ARMC9: variants seen among roughly 807,000 people sequenced by gnomAD.
ARMC9 encodes the protein lisH domain-containing protein ARMC9.
Under a neutral mutation model 107.0 loss-of-function variants are expected in ARMC9, and 94 were observed. That is an observed-to-expected ratio of 0.88 (90% CI 0.74 to 1.04). The LOEUF is 1.04. ARMC9 is among the 50% of genes least tolerant of loss of function. The probability of loss-of-function intolerance (pLI) is 0.00; values close to 1 mark genes in which losing one functional copy is unlikely to be tolerated. For synonymous variants in ARMC9, 380 were observed against 396.9 expected (o/e 0.96, Z 0.51); for missense variants, 942 against 1,030.1 (o/e 0.91, Z 1.17).
At chr2:231,253,827 C>T (rs1351307384) in intron 9 of ARMC9, among the ~76,000 whole-genome samples, 1 of 152,140 alleles carries the variant, frequency 6.6e-6, no homozygotes, top group Admixed American at 6.5e-5. Flanking sequence ...TCATGGGTCA[C>T]GGAGTCAGAT....
intron 8 of ARMC9, among the ~76,000 whole-genome samples, chr2:231,238,291 T>C (rs1366244646): frequency 6.6e-6 from 1 of 151,990 alleles, no homozygotes; most frequent in East Asian, 1.9e-4. Context: ...ATGTTTCTAG[T>C]TGTAGGGAAG....
At chr2:231,206,696 C>T (rs1287815340) in intron 2 of ARMC9, among the ~76,000 whole-genome samples, 1 of 152,202 alleles carries the variant, frequency 6.6e-6, no homozygotes, top group Non-Finnish European at 1.5e-5. Context: ...GAACATCTGC[C>T]TATGATCGGC....
At chr2:231,314,217 T>G (rs1373507309) in intron 19 of ARMC9, among the ~76,000 whole-genome samples, 1 of 151,962 alleles carries the variant, frequency 6.6e-6, no homozygotes, top group Non-Finnish European at 1.5e-5. Context: ...GTAGCTGGGA[T>G]TACAGGCATG....
intron 5 of ARMC9, among the ~76,000 whole-genome samples, chr2:231,221,206 G>T (rs1290214248): frequency 6.6e-6 from 1 of 152,192 alleles, no homozygotes; most frequent in Non-Finnish European, 1.5e-5. Flanking sequence ...CGGGTGTTCT[G>T]TGACTGTGGC....
chr2:231,361,126 A>T (rs1241981355), intron 23 of ARMC9, among the ~76,000 whole-genome samples: 2 of 152,240 alleles, frequency 1.3e-5, no homozygotes, highest in African/African-American at 4.8e-5. Flanking sequence ...ACTCAGAAGC[A>T]TGCCCATGGG....
At chr2:231,272,366 C>T (rs1341679783) in intron 13 of ARMC9, among the ~76,000 whole-genome samples, 2 of 151,876 alleles carry the variant, frequency 1.3e-5, no homozygotes, top group African/African-American at 4.8e-5. Flanking sequence ...GCTAATGTTC[C>T]TTAGTTTTTA....
At chr2:231,285,180 A>C (rs1266742877) in intron 17 of ARMC9, among the ~76,000 whole-genome samples, 1 of 152,096 alleles carries the variant, frequency 6.6e-6, no homozygotes, top group African/African-American at 2.4e-5. Flanking sequence ...CCTGGGTAAC[A>C]GAGCAAGACT....
chr2:231,230,075 C>T (rs908314718), intron 7 of ARMC9, among the ~76,000 whole-genome samples: 6 of 152,026 alleles, frequency 3.9e-5, no homozygotes, highest in African/African-American at 1.4e-4. Flanking sequence ...AAGTTGAGGT[C>T]TTGTCACTAG....
Position 231,262,324 on chromosome 2 carries a change from C to G in ARMC9, c.1045C>G (p.Pro349Ala), listed in dbSNP as rs2038443882. 1 of 1,614,092 alleles carries G rather than the reference C, an allele frequency of 6.2e-7. No homozygotes were observed. The highest frequency in any genetic ancestry group is 2.2e-5 in the East Asian group (1 of 44,890). The change falls in exon 12 of 25, where the codon CCT (proline) becomes GCT (alanine). Residue 349 changes from proline to alanine, a missense_variant. Physicochemically the swap from Pro to Ala is conservative, Grantham distance 27. Coordinates refer to ENST00000611582, the MANE Select transcript of ARMC9 (RefSeq NM_001352754.2). ...ALRWRLTTSH[P>A]GEQRETVLQA... The stretch of plus-strand genomic sequence containing the variant: ...GCTCCAGCGCTTGACCACATCCCAT[C>G]CTGGAGAGCAGAGGGAGACCGTTCT...
At chr2:231,332,004 T>A in intron 20 of ARMC9, 107 bp downstream of exon 20, 1 of 936,356 alleles carries the variant, frequency 1.1e-6, no homozygotes, top group Non-Finnish European at 1.6e-6. Context: ...TTTGTTACCA[T>A]ACTGTATTTA....
intron 20 of ARMC9, among the ~76,000 whole-genome samples, chr2:231,338,811 G>A (rs1473015844): frequency 6.6e-6 from 1 of 151,700 alleles, no homozygotes. Flanking sequence ...GATTGCTTCT[G>A]TATATGGCAA....
rs533533241 is a variant in ARMC9 at position 231,323,135 on chromosome 2, G to A, written c.1774-8658G>A. Among the ~76,000 whole-genome samples the A allele has an allele frequency of 2.0e-5, 3 of 152,168 alleles. No individual in the cohort carries two copies. In the South Asian group the frequency reaches 6.2e-4, roughly 32 times the overall value. On this transcript the variant is annotated intron_variant, in intron 19 of 24. Transcript: ENST00000611582. ...GGCCAGGAGTTAGAGGCTATAGTGA[G>A]CTGTGATCATACCACTGCACTCCAA...
chr2:231,275,681 C>T (rs554316061), intron 14 of ARMC9, among the ~76,000 whole-genome samples: 19 of 152,264 alleles, frequency 1.2e-4, no homozygotes, highest in African/African-American at 1.7e-4. Flanking sequence ...CAGCTGGGCA[C>T]GGTGGCTCAC....
At chr2:231,204,145 G>A (rs1209288964) in intron 1 of ARMC9, among the ~76,000 whole-genome samples, 1 of 142,066 alleles carries the variant, frequency 7.0e-6, no homozygotes, top group African/African-American at 2.7e-5. Flanking sequence ...CTGCACTCTA[G>A]CCTGGGCAAC....
chr2:231,270,662 C>T (rs1242644418), intron 12 of ARMC9: 2 of 524,238 alleles, frequency 3.8e-6, no homozygotes, highest in Admixed American at 2.3e-5. Flanking sequence ...AGTCATGTGT[C>T]TTGGATCTGC....
At chr2:231,263,094 G>C (rs1209391591) in intron 12 of ARMC9, among the ~76,000 whole-genome samples, 1 of 152,194 alleles carries the variant, frequency 6.6e-6, no homozygotes, top group Non-Finnish European at 1.5e-5. Context: ...CACTGGACAG[G>C]AGGAGGATCA....
At chr2:231,337,391 A>G (rs1317212331) in intron 20 of ARMC9, among the ~76,000 whole-genome samples, 1 of 129,680 alleles carries the variant, frequency 7.7e-6, no homozygotes, top group Non-Finnish European at 1.6e-5. Flanking sequence ...TCCGCCTCCC[A>G]GGTTCGAGGA....
chr2:231,368,422 G>A (rs1369218550), intron 23 of ARMC9, among the ~76,000 whole-genome samples: 1 of 152,112 alleles, frequency 6.6e-6, no homozygotes, highest in East Asian at 1.9e-4. Context: ...TATTAAATCC[G>A]AGTATATCAA....
chr2:231,313,922 A>ACTGCAGGTGTGTGCCACCAC (rs2042504828), intron 19 of ARMC9, among the ~76,000 whole-genome samples: 1 of 130,294 alleles, frequency 7.7e-6, no homozygotes, highest in Admixed American at 7.7e-5. Context: ...CTTCTGCCTA[A>ACTGCAGGTGTGTGCCACCAC]TTTTTTTTTT....
Sources: allele counts gnomAD v4.1 joint callset (sites outside exome capture counted in the v4.1 genomes callset), GRCh38; gene constraint gnomAD v4.1.1; transcripts MANE v1.5; gene names NCBI Gene and HGNC (gene_info 2026-07-23, HGNC 2026-07-21).